Variants in PDE3A observed in about 807,000 individuals in gnomAD.
The protein encoded by PDE3A is cGMP-inhibited 3',5'-cyclic phosphodiesterase 3A.
Under a neutral mutation model 98.3 loss-of-function variants are expected in PDE3A, and 43 were observed. The ratio of observed to expected loss-of-function variants is 0.44; its 90% CI spans 0.34 to 0.56. The LOEUF (loss-of-function observed/expected upper bound fraction) is 0.56. Among genes scored for constraint, PDE3A ranks in the 20% least tolerant of loss-of-function variants. The pLI, the probability that PDE3A is intolerant of heterozygous loss-of-function variation, is 0.01. For missense variants in PDE3A, 1,427 were observed against 1,440.7 expected (o/e 0.99, Z 0.15); for synonymous variants, 663 against 567.9 (o/e 1.17, Z -2.38).
At chr12:20,459,575 C>T (rs529496933) in intron 1 of PDE3A, among the ~76,000 whole-genome samples, 1 of 152,088 alleles carries the variant, frequency 6.6e-6, no homozygotes, top group Admixed American at 6.6e-5. Flanking sequence ...ATAATTTCAC[C>T]ATCAAGAGAT....
chr12:20,630,425 A>C (rs1230603400), intron 6 of PDE3A, among the ~76,000 whole-genome samples: 1 of 152,212 alleles, frequency 6.6e-6, no homozygotes, highest in Non-Finnish European at 1.5e-5. Flanking sequence ...ATATATAACT[A>C]AAAAATGATA....
At position 20,646,969 on chromosome 12, in the gene PDE3A, G is replaced by T. The variant is rs778448655; in HGVS notation, c.2565+19G>T. ...TCCTCAGGTAAATCTTTAGATTTTG[G>T]TTAGGAGAACTAATTTAAAGATTTC... On this transcript the variant is annotated intron_variant, in intron 12 of 15. Coordinates refer to ENST00000359062, the MANE Select transcript of PDE3A (RefSeq NM_000921.5). 2.4e-5 allele frequency: 38 copies of T among 1,558,566 alleles called. No individual in the cohort carries two copies. The highest frequency in any genetic ancestry group is 2.0e-4 in the South Asian group (18 of 89,558).
At chr12:20,443,196 T>A (rs1944898592) in intron 1 of PDE3A, among the ~76,000 whole-genome samples, 1 of 152,114 alleles carries the variant, frequency 6.6e-6, no homozygotes. Flanking sequence ...TTATTTCTTT[T>A]TGCAAGAAAT....
At position 20,688,259 on chromosome 12, in the gene PDE3A, C is replaced by A. The variant is rs1033492631; in HGVS notation, c.*7988C>A. The stretch of plus-strand genomic sequence containing the variant: ...ATCTTGTCCTTTCACCTATATCTTC[C>A]ATTTAATATATGTAGCAATACTTAG... On this transcript the variant is annotated 3_prime_UTR_variant, in exon 16 of 16. Transcript: ENST00000359062. Among the ~76,000 whole-genome samples, 10 of 151,966 alleles carry A rather than the reference C, an allele frequency of 6.6e-5. No homozygotes were observed. The highest frequency in any genetic ancestry group is 2.4e-4 in the African/African-American group (10 of 41,490).
intron 14 of PDE3A, among the ~76,000 whole-genome samples, chr12:20,651,768 T>TTTGG (rs71039964): frequency 6.4e-5 from 1 of 15,584 alleles, no homozygotes; most frequent in Non-Finnish European, 1.3e-4. Context: ...GAATGAAAGA[T>TTTGG]TTTTTTTATT....
intron 5 of PDE3A, among the ~76,000 whole-genome samples, chr12:20,627,960 G>T (rs954286727): frequency 1.3e-5 from 2 of 152,112 alleles, no homozygotes; most frequent in Non-Finnish European, 2.9e-5. Flanking sequence ...GTCAAAACTA[G>T]ACCAACCCTT....
At chr12:20,403,310 C>G (rs1329881570) in intron 1 of PDE3A, among the ~76,000 whole-genome samples, 2 of 152,186 alleles carry the variant, frequency 1.3e-5, no homozygotes, top group Non-Finnish European at 2.9e-5. Flanking sequence ...TTAATTCTCT[C>G]CCTTACAGTT....
chr12:20,638,392 A>C (rs1432882050), intron 9 of PDE3A, among the ~76,000 whole-genome samples: 1 of 152,162 alleles, frequency 6.6e-6, no homozygotes, highest in Non-Finnish European at 1.5e-5. Context: ...ATATTCAATT[A>C]TTGCCTCTGC....
intron 1 of PDE3A, among the ~76,000 whole-genome samples, chr12:20,537,315 A>C (rs1053659760): frequency 2.0e-5 from 3 of 152,106 alleles, no homozygotes; most frequent in African/African-American, 7.2e-5. Context: ...TATAAGTCTC[A>C]TATCAGATTT....
In PDE3A at chr12:20,552,167, T is replaced by A; in HGVS notation, c.961-4493T>A. On this transcript the variant is annotated intron_variant, in intron 1 of 15. Transcript: ENST00000359062. This position sits in a 1 kb window ranked among gnomAD's most constrained non-coding sequence, Gnocchi z 5.1. ...AACAGGGCGCTGGCTCTCAACTGCT[T>A]TGCTCCCATCAATGACCAAGAAGGG... 6.2e-7 allele frequency: 1 copy of A among 1,613,700 alleles called. No homozygotes were observed. The highest frequency in any genetic ancestry group is 1.7e-5 in the Admixed American group (1 of 60,024).
At chr12:20,618,862 C>T (rs1944070492) in intron 4 of PDE3A, among the ~76,000 whole-genome samples, 1 of 152,016 alleles carries the variant, frequency 6.6e-6, no homozygotes, top group African/African-American at 2.4e-5. Flanking sequence ...AGACTGTTAC[C>T]TGATCAGACT....
intron 2 of PDE3A, among the ~76,000 whole-genome samples, chr12:20,577,971 A>T (rs1942973525): frequency 1.3e-5 from 2 of 152,122 alleles, no homozygotes; most frequent in Non-Finnish European, 2.9e-5. Flanking sequence ...GGTTTGAAAA[A>T]TTTACCAGAG....
chr12:20,559,957 G>A (rs1942472709), intron 2 of PDE3A, among the ~76,000 whole-genome samples: 1 of 152,174 alleles, frequency 6.6e-6, no homozygotes, highest in African/African-American at 2.4e-5. Flanking sequence ...ACTGTGAAGG[G>A]ATAATCTGGA....
At chr12:20,376,850 A>G (rs1943580861) in intron 1 of PDE3A, among the ~76,000 whole-genome samples, 1 of 151,824 alleles carries the variant, frequency 6.6e-6, no homozygotes, top group African/African-American at 2.4e-5. Flanking sequence ...TCGAAGATGG[A>G]AAGCTATTTG....
At chr12:20,392,957 T>G (rs947155386) in intron 1 of PDE3A, among the ~76,000 whole-genome samples, 3 of 151,924 alleles carry the variant, frequency 2.0e-5, no homozygotes, top group African/African-American at 7.2e-5. Flanking sequence ...GAATGGTGAT[T>G]GCCAGAGGCT....
intron 1 of PDE3A, among the ~76,000 whole-genome samples, chr12:20,420,892 A>C (rs1944501504): frequency 6.6e-6 from 1 of 152,206 alleles, no homozygotes; most frequent in Non-Finnish European, 1.5e-5. Flanking sequence ...TAAATCTGGT[A>C]GGCCATCGAA....
chr12:20,679,982 A>T (rs1047164492), intron 15 of PDE3A, 48 bp from the exon 16 acceptor site: 3 of 1,428,760 alleles, frequency 2.1e-6, no homozygotes, highest in Non-Finnish European at 2.9e-6. Context: ...TGTGCTCAGC[A>T]CACAACTAAG....
At chr12:20,470,857 T>C (rs1169889769) in intron 1 of PDE3A, among the ~76,000 whole-genome samples, 1 of 151,878 alleles carries the variant, frequency 6.6e-6, no homozygotes, top group East Asian at 1.9e-4. Flanking sequence ...GGCAGTTAGG[T>C]GTAGATGAGG....
At chr12:20,461,106 T>C (rs972979481) in intron 1 of PDE3A, among the ~76,000 whole-genome samples, 24 of 152,118 alleles carry the variant, frequency 1.6e-4, no homozygotes, top group Admixed American at 6.6e-5. Flanking sequence ...CTTTCATTTC[T>C]ACTCTAATGT....
Sources: gnomAD v4.1 joint callset for allele counts (sites outside exome capture counted in the v4.1 genomes callset) on GRCh38, gnomAD v4.1.1 for gene constraint, Gnocchi (gnomAD v3.1) non-coding constraint, MANE v1.5 for transcripts, NCBI Gene and HGNC (gene_info 2026-07-23, HGNC 2026-07-21) for gene names.